SAMM50: variants seen among roughly 807,000 people sequenced by gnomAD.
SAMM50 encodes the protein SAMM50 sorting and assembly machinery component, also known as sorting and assembly machinery component 50 homolog.
SAMM50 carries 47 observed loss-of-function variants against 66.9 expected under a neutral mutation model. The ratio of observed to expected loss-of-function variants is 0.70; its 90% confidence interval spans 0.56 to 0.90. SAMM50 has a LOEUF of 0.90. SAMM50 is among the 40% of genes least tolerant of loss of function. SAMM50 has a pLI of 0.00. For synonymous variants in SAMM50, 191 were observed against 214.1 expected (o/e 0.89, Z 0.94); for missense variants, 535 against 595.3 (o/e 0.90, Z 1.05).
intron 10 of SAMM50, among the ~76,000 whole-genome samples, chr22:43,978,924 C>T (rs892218954): frequency 6.6e-6 from 1 of 152,152 alleles, no homozygotes; most frequent in African/African-American, 2.4e-5. Flanking sequence ...TTTGTTACTG[C>T]CCCTATTCAG....
chr22:43,970,699 A>G (rs1241487729), intron 4 of SAMM50, among the ~76,000 whole-genome samples: 1 of 151,562 alleles, frequency 6.6e-6, no homozygotes, highest in Non-Finnish European at 1.5e-5. Flanking sequence ...AACTCTTTGT[A>G]CTTTTGTAGT....
intron 7 of SAMM50, 116 bp downstream of exon 7, chr22:43,973,439 C>T (rs1020975570): frequency 1.5e-6 from 1 of 664,814 alleles, no homozygotes; most frequent in Non-Finnish European, 2.8e-6. Flanking sequence ...CTGCCCTCCG[C>T]ACCAGGTACC....
At chr22:43,964,873 C>A (rs2050165259) in intron 3 of SAMM50, among the ~76,000 whole-genome samples, 1 of 152,190 alleles carries the variant, frequency 6.6e-6, no homozygotes, top group Non-Finnish European at 1.5e-5. Context: ...TTCCCAGGCA[C>A]CGCGCTGAGT....
intron 10 of SAMM50, among the ~76,000 whole-genome samples, chr22:43,980,995 C>G (rs544528501): frequency 6.6e-6 from 1 of 152,322 alleles, no homozygotes; most frequent in Admixed American, 6.5e-5. Context: ...TGCGTGTGCC[C>G]TGAATCCTTC....
At chr22:43,984,062 G>A in intron 12 of SAMM50, 62 bp downstream of exon 12, 3 of 1,438,556 alleles carry the variant, frequency 2.1e-6, no homozygotes, top group Non-Finnish European at 2.9e-6. Flanking sequence ...TGGAAACCAT[G>A]TACCTGTTAT....
chr22:43,966,432 A>G (rs1435993189), intron 3 of SAMM50, among the ~76,000 whole-genome samples: 1 of 151,690 alleles, frequency 6.6e-6, no homozygotes, highest in Non-Finnish European at 1.5e-5. Context: ...ATCTTGGCTC[A>G]CTGCAACCTC....
At chr22:43,979,604 A>C (rs1439629790) in intron 10 of SAMM50, among the ~76,000 whole-genome samples, 2 of 150,024 alleles carry the variant, frequency 1.3e-5, no homozygotes, top group African/African-American at 2.5e-5. Flanking sequence ...CACTATGGAC[A>C]TATTAGTCTT....
At chr22:43,994,890 A>C (rs2050344830) in intron 14 of SAMM50, among the ~76,000 whole-genome samples, 1 of 152,222 alleles carries the variant, frequency 6.6e-6, no homozygotes, top group Non-Finnish European at 1.5e-5. Flanking sequence ...TTAGAGTGAC[A>C]GGCCTTTATT....
chr22:43,968,226 C>CAAAAAAAAAAAAAAAAAAAAGA (rs2050183677), intron 3 of SAMM50, among the ~76,000 whole-genome samples: 1 of 68,648 alleles, frequency 1.5e-5, no homozygotes, highest in Non-Finnish European at 2.8e-5. Context: ...AACTCTGTCT[C>CAAAAAAAAAAAAAAAAAAAAGA]AAAAAAAAAA....
At chr22:43,961,221 TA>T (rs2050145632) in intron 1 of SAMM50, among the ~76,000 whole-genome samples, 1 of 152,170 alleles carries the variant, frequency 6.6e-6, no homozygotes, top group African/African-American at 2.4e-5. Flanking sequence ...AGCAAGGAAA[TA>T]GTCAGATATT....
intron 3 of SAMM50, among the ~76,000 whole-genome samples, chr22:43,967,862 T>G (rs1045975578): frequency 3.9e-5 from 6 of 152,118 alleles, no homozygotes; most frequent in African/African-American, 1.4e-4. Context: ...ACTCCGTGCA[T>G]CAGAAGGAAC....
rs151123826 is a variant in SAMM50 at position 43,965,352 on chromosome 22, T to G, written c.234+799T>G. ...TCCCAAGTAGCTGGGATTACAGATG[T>G]GCACCACCACACCTGGCTAATTTTG... is the stretch of plus-strand genomic sequence containing the variant. On this transcript the variant is annotated intron_variant, in intron 3 of 14. Transcript: ENST00000350028. Among the ~76,000 whole-genome samples, 1,253 of 151,976 alleles carry G rather than the reference T, an allele frequency of 8.2e-3. 8 individuals are homozygous for G. The highest frequency in any genetic ancestry group is 0.014 in the Non-Finnish European group (964 of 67,950).
intron 14 of SAMM50, among the ~76,000 whole-genome samples, chr22:43,993,208 C>T (rs567465354): frequency 4.4e-4 from 67 of 152,202 alleles, no homozygotes; most frequent in Non-Finnish European, 1.9e-4. Flanking sequence ...GGCGTTGGAG[C>T]GAGGGAAGCT....
chr22:43,958,933 ACC>A (rs2050134089), intron 1 of SAMM50, among the ~76,000 whole-genome samples: 1 of 151,870 alleles, frequency 6.6e-6, no homozygotes, highest in Admixed American at 6.6e-5. Context: ...TTTGCCATTT[ACC>A]ACCTAGTACT....
Position 43,989,389 on chromosome 22 carries a change from T to C in SAMM50, c.1222+132T>C, listed in dbSNP as rs532166682. 13 of 921,336 alleles carry C rather than the reference T, an allele frequency of 1.4e-5. No homozygotes were observed. The South Asian group carries it at 1.6e-4, about 11-fold the overall frequency. The allele number at this position is 921,336 out of a possible 1,614,324, so 57.1% of individuals were successfully genotyped here. A position where few individuals can be genotyped will look rare whatever the true frequency, so the allele number is the denominator to read the frequency against. ...GTCTCGCTCTATTGCCAGGCTGGAG[T>C]GCAGTGGCGCAATCTCGGCTCACTG... On this transcript the variant is annotated intron_variant, in intron 13 of 14. Transcript: ENST00000350028.
chr22:43,995,660 C>T (rs542213680), intron 14 of SAMM50, among the ~76,000 whole-genome samples: 10 of 152,290 alleles, frequency 6.6e-5, no homozygotes, highest in South Asian at 6.2e-4. Context: ...GCCCCTGAGC[C>T]GGGTCTGGAG....
intron 13 of SAMM50, among the ~76,000 whole-genome samples, chr22:43,989,557 C>T (rs1011369565): frequency 1.3e-5 from 2 of 151,184 alleles, no homozygotes; most frequent in African/African-American, 2.4e-5. Flanking sequence ...AGGATGGTCT[C>T]GATCTCTTGA....
rs568321660 is a variant in SAMM50 at position 43,983,110 on chromosome 22, A to G, written c.1008-823A>G. Among the ~76,000 whole-genome samples the G allele has an allele frequency of 6.6e-6, 1 of 152,360 alleles. No homozygotes were observed. Among genetic ancestry groups the G allele is most frequent in the Non-Finnish European group, 1.5e-5 (1 of 68,034 alleles). ...CTTTTATTTGGTAGGAAAACCAGAA[A>G]AAGCCGCGCCCTGTTCCCTTTGTGC... On this transcript the variant is annotated intron_variant, in intron 11 of 14. Transcript: ENST00000350028. The surrounding 1 kb of genome is among the most constrained non-coding windows in gnomAD (Gnocchi z 4.2).
chr22:43,960,904 G>A (rs901086048), intron 1 of SAMM50, among the ~76,000 whole-genome samples: 6 of 152,178 alleles, frequency 3.9e-5, no homozygotes, highest in African/African-American at 1.4e-4. Context: ...GGAAGAGGGG[G>A]CAAGGTATGC....
Sources: gnomAD v4.1 joint callset for allele counts (sites outside exome capture counted in the v4.1 genomes callset) on GRCh38, gnomAD v4.1.1 for gene constraint, Gnocchi (gnomAD v3.1) non-coding constraint, MANE v1.5 for transcripts, NCBI Gene and HGNC (gene_info 2026-07-23, HGNC 2026-07-21) for gene names.